The following TRPA1 variants were observed in gnomAD, a reference collection of about 807,000 sequenced individuals.
The protein encoded by TRPA1 is ankyrin-like with transmembrane domains 1.
TRPA1 carries 129 observed loss-of-function variants against 131.3 expected under a neutral mutation model. That is an observed-to-expected ratio of 0.98 (90% CI 0.85 to 1.14). The LOEUF (loss-of-function observed/expected upper bound fraction) is 1.14, where lower values mean the gene tolerates loss of function less well. Ranked by LOEUF, TRPA1 falls within the 50% of genes most tolerant of loss-of-function variation. The probability of loss-of-function intolerance (pLI) is 0.00; values close to 1 mark genes in which losing one functional copy is unlikely to be tolerated. For synonymous variants in TRPA1, 441 were observed against 451.7 expected (o/e 0.98, Z 0.30); for missense variants, 1,304 against 1,354.2 (o/e 0.96, Z 0.58).
At chr8:72,050,060 A>G (rs896869306) in intron 15 of TRPA1, among the ~76,000 whole-genome samples, 1 of 152,046 alleles carries the variant, frequency 6.6e-6, no homozygotes, top group African/African-American at 2.4e-5. Context: ...TGTCATTTAC[A>G]TTAGGTATTT....
chr8:72,050,921 C>T (rs1160829553), intron 14 of TRPA1, 50 bp from the exon 15 acceptor site: 1 of 1,278,396 alleles, frequency 7.8e-7, no homozygotes, highest in Non-Finnish European at 1.1e-6. Flanking sequence ...TCCTTCTGTT[C>T]TGTACAACAG....
intron 13 of TRPA1, 190 bp downstream of exon 13, chr8:72,053,563 C>T (rs1364083373): frequency 3.3e-6 from 2 of 615,318 alleles, no homozygotes; most frequent in Non-Finnish European, 3.0e-6. Context: ...ATTCACCCAC[C>T]CCTTGGTATT....
At position 72,074,276 on chromosome 8, in the gene TRPA1, T is replaced by C. The variant is rs553122072; in HGVS notation, c.111+1023A>G. 3.9e-5 allele frequency among the ~76,000 whole-genome samples: 6 copies of C among 152,312 alleles called. 1 individual carries two copies. The South Asian group carries it at 1.2e-3, about 32-fold the overall frequency. On this transcript the variant is annotated intron_variant, in intron 1 of 26. Coordinates refer to ENST00000262209, the MANE Select transcript of TRPA1 (RefSeq NM_007332.3). ...ATCATGATCTAGTCATACAGTGGAA[T>C]ATTATGAAGCTGGTAAAAAGAGTGA...
rs1002099950 is a variant in TRPA1 at position 72,052,354 on chromosome 8, G to A, written c.1811+245C>T. Among the ~76,000 whole-genome samples, 11 of 152,222 alleles carry A rather than the reference G, an allele frequency of 7.2e-5. 1 individual carries two copies. Among genetic ancestry groups the A allele is most frequent in the Middle Eastern group, 6.8e-3 (2 of 294 alleles). Reference sequence around the variant, plus strand: ...TGAGAATTGCTGAAGCCCGGGAGGCGGAGGTTGCAGTGAACAGAGATCACA... The same window carrying A: ...TGAGAATTGCTGAAGCCCGGGAGGCAGAGGTTGCAGTGAACAGAGATCACA... On this transcript the variant is annotated intron_variant, in intron 14 of 26. Coordinates refer to ENST00000262209, the MANE Select transcript of TRPA1 (RefSeq NM_007332.3).
chr8:72,049,396 C>G (rs13273179), intron 15 of TRPA1, among the ~76,000 whole-genome samples: 12,927 of 152,136 alleles, frequency 0.085, 631 homozygotes, highest in Middle Eastern at 0.12. Flanking sequence ...AAGGCAGCAC[C>G]AGGATTAAAT....
rs370170775 is a variant in TRPA1, at chr8:72,075,457, G to C, written c.-48C>G. 2.0e-5 allele frequency: 30 copies of C among 1,468,730 alleles called. No individual in the cohort carries two copies. The highest frequency in any genetic ancestry group is 2.6e-5 in the Non-Finnish European group (28 of 1,059,782). 91.0% of individuals were successfully genotyped at this position (1,468,730 alleles called of 1,614,324 possible). A position where few individuals can be genotyped will look rare whatever the true frequency, so the allele number is the denominator to read the frequency against. On this transcript the variant is annotated 5_prime_UTR_variant, in exon 1 of 27. Transcript: ENST00000262209. The stretch of plus-strand genomic sequence containing the variant: ...TGGTGCAGCTGCTCACCACGCGCGC[G>C]GGCACCTGGGGCGAGAGAGCGCTGT...
the TRPA1 span, among the ~76,000 whole-genome samples, chr8:72,086,633 T>C: frequency 1.4e-4 from 21 of 152,222 alleles, no homozygotes; most frequent in Admixed American, 4.6e-4. Context: ...CTGTTTCTAA[T>C]TCATTTCTTT....
In TRPA1 at chr8:72,057,769, T is replaced by A. The variant is rs749877628; in HGVS notation, c.1041A>T (p.Ile347=). The part of the protein sequence containing the change: ...KIDSEGRSPL[I]LATASASWNI... ...TCCAAGATGCAGAAGCAGTTGCTAA[T>A]ATAAGTGGAGAGCGTCCTTCAGAAT... The change falls in exon 9 of 27, where the codon ATA becomes ATT. Residue 347 remains isoleucine, a synonymous_variant. Transcript: ENST00000262209. 6.2e-7 allele frequency: 1 copy of A among 1,613,984 alleles called. No individual in the cohort carries two copies. Among genetic ancestry groups the A allele is most frequent in the Non-Finnish European group, 8.5e-7 (1 of 1,179,926 alleles).
Position 72,071,833 on chromosome 8 carries a change from T to A in TRPA1, c.146A>T (p.Asn49Ile). 6.2e-7 allele frequency: 1 copy of A among 1,612,428 alleles called. No homozygotes were observed. The highest frequency in any genetic ancestry group is 8.5e-7 in the Non-Finnish European group (1 of 1,179,804). ...TTTTAATTTCTTTTGCTTATTAAAG[T>A]TTTGTAATCCATATGCACTTCCTTC... is the stretch of plus-strand genomic sequence containing the variant. ...VFEGSAYGLQ[N>I]FNKQKKLKRC... Residue 49 changes from asparagine (N) to isoleucine (I), a missense_variant, in exon 2 of 27, where the codon AAC becomes ATC. Asn to Ile is a moderately radical substitution (Grantham distance 149). Transcript: ENST00000262209.
chr8:72,045,684 A>C (rs1812405618), intron 17 of TRPA1, among the ~76,000 whole-genome samples: 1 of 151,552 alleles, frequency 6.6e-6, no homozygotes, highest in Non-Finnish European at 1.5e-5. Context: ...TGCTATTGCC[A>C]CATGGCAATG....
chr8:72,078,107 T>C (rs1398240941), upstream of TRPA1, among the ~76,000 whole-genome samples: 1 of 151,782 alleles, frequency 6.6e-6, no homozygotes, highest in African/African-American at 2.4e-5. Context: ...ACCAAAATTC[T>C]CCTTAATTAT....
upstream of TRPA1, among the ~76,000 whole-genome samples, chr8:72,077,629 T>G (rs2129437283): frequency 6.6e-6 from 1 of 152,324 alleles, no homozygotes; most frequent in East Asian, 1.9e-4. Context: ...TCAGGCAGTG[T>G]CTTCCTAAGA....
chr8:72,049,834 A>G (rs756869824), intron 15 of TRPA1, among the ~76,000 whole-genome samples: 10 of 152,174 alleles, frequency 6.6e-5, no homozygotes, highest in Middle Eastern at 3.2e-3. Context: ...ATAATTCAAT[A>G]CTTCTCTACT....
At position 72,046,703 on chromosome 8, in the gene TRPA1, C is replaced by T. The variant is rs1585862699; in HGVS notation, c.1966-95G>A. The T allele has an allele frequency of 1.9e-5, 13 of 667,106 alleles. No homozygotes were observed. The East Asian group carries it at 2.5e-4, about 13-fold the overall frequency. The allele number at this position is 667,106 out of a possible 1,614,324, so 41.3% of individuals were successfully genotyped here. ...TGAAAAAATCAAATACACAAATTTA[C>T]AATTCTGCTGAAAATTAAGTGATTT... On this transcript the variant is annotated intron_variant, in intron 16 of 26. Transcript: ENST00000262209.
chr8:72,057,280 C>A (rs1366817434), intron 9 of TRPA1, among the ~76,000 whole-genome samples: 1 of 151,950 alleles, frequency 6.6e-6, no homozygotes, highest in Non-Finnish European at 1.5e-5. Context: ...CCTTTTAAAG[C>A]ATAAAATGTA....
In TRPA1 at chr8:72,049,645, C is replaced by T. The variant is rs147026099; in HGVS notation, c.1905+1133G>A. Among the ~76,000 whole-genome samples the T allele has an allele frequency of 2.6e-3, 396 of 152,098 alleles. 4 individuals carry two copies. Among genetic ancestry groups the T allele is most frequent in the African/African-American group, 8.4e-3 (350 of 41,486 alleles). On this transcript the variant is annotated intron_variant, in intron 15 of 26. Transcript: ENST00000262209. The stretch of plus-strand genomic sequence containing the variant: ...GCATGTTTGTCTTGTCTGGGGTGTC[C>T]GGTCATATGCTAGTGTGTATTTAAC...
chr8:72,053,037 GAGAGAGAA>G (rs1219731590), intron 13 of TRPA1: 1 of 357,328 alleles, frequency 2.8e-6, no homozygotes, highest in African/African-American at 2.2e-5. Context: ...GAGAGAGAGA[GAGAGAGAA>G]TGAATTCCAA....
chr8:72,051,776 C>T (rs1194588058), intron 14 of TRPA1, among the ~76,000 whole-genome samples: 3 of 152,130 alleles, frequency 2.0e-5, no homozygotes, highest in Non-Finnish European at 2.9e-5. Flanking sequence ...ACTAACTATC[C>T]TCTAACTTCA....
rs1805999232 is a variant in TRPA1 at position 72,069,165 on chromosome 8, G to C, written c.302C>G (p.Pro101Arg). 1.9e-6 allele frequency: 3 copies of C among 1,614,204 alleles called. No homozygotes were observed. Among genetic ancestry groups the C allele is most frequent in the Non-Finnish European group, 2.5e-6 (3 of 1,180,038 alleles). Residue 101 changes from proline to arginine, a missense_variant, in exon 3 of 27, where the codon CCT becomes CGT. Transcript: ENST00000262209. Reference protein sequence around the residue: ...LHEMDDYGNTPLHCAVEKNQI... With the variant: ...LHEMDDYGNTRLHCAVEKNQI... Reference sequence around the variant, plus strand: ...GTTTTTTTCTACAGCACAATGCAGAGGGGTATTTCCATAATCATCCATTTC... The same window carrying C: ...GTTTTTTTCTACAGCACAATGCAGACGGGTATTTCCATAATCATCCATTTC...
Sources: gnomAD v4.1 joint callset for allele counts (sites outside exome capture counted in the v4.1 genomes callset) on GRCh38, gnomAD v4.1.1 for gene constraint, MANE v1.5 for transcripts, NCBI Gene and HGNC (gene_info 2026-07-23, HGNC 2026-07-21) for gene names.